The following GRIK3 variants were observed in gnomAD, a reference collection of about 807,000 sequenced individuals.
The protein encoded by GRIK3 is glutamate receptor ionotropic, kainate 3.
Under a neutral mutation model 102.5 loss-of-function variants are expected in GRIK3, and 29 were observed. The observed-to-expected ratio is 0.28, with a 90% CI of 0.21 to 0.39. The LOEUF is 0.39. Among genes scored for constraint, GRIK3 ranks in the 10% least tolerant of loss-of-function variants. The pLI is 1.00. For missense variants in GRIK3, 908 were observed against 1,252.4 expected (o/e 0.73, Z 4.15); for synonymous variants, 511 against 504.9 (o/e 1.01, Z -0.16).
At position 37,033,324 on chromosome 1, in the gene GRIK3, C is replaced by T. The variant is rs550040759; in HGVS notation, c.115+670G>A. 3.6e-3 allele frequency among the ~76,000 whole-genome samples: 552 copies of T among 152,310 alleles called. 1 individual carries two copies. Among genetic ancestry groups the T allele is most frequent in the African/African-American group, 0.012 (488 of 41,584 alleles). On this transcript the variant is annotated intron_variant, in intron 1 of 15. Coordinates refer to ENST00000373091, the MANE Select transcript of GRIK3 (RefSeq NM_000831.4). ...CGCCTGCCCGGGCCGCACTGGGCGG[C>T]CTCCATCGTCCCTTCCCTCTACCTG...
At chr1:36,855,042 G>A (rs1428620039) in intron 7 of GRIK3, among the ~76,000 whole-genome samples, 2 of 152,302 alleles carry the variant, frequency 1.3e-5, no homozygotes, top group East Asian at 1.9e-4. Flanking sequence ...CTGTGTCAGG[G>A]GCAAGAACAA....
At position 36,817,109 on chromosome 1, in the gene GRIK3, T is replaced by G; in HGVS notation, c.2042A>C (p.Lys681Thr). The change falls in exon 13 of 16, where the codon AAA becomes ACA. Residue 681 changes from lysine (K) to threonine (T), a missense_variant. Transcript: ENST00000373091. ...ATCCTTGACAGCCCCATACTCGATT[T>G]TGGTTTGCTTGGCCAGGTCATCAGC... ...DSADDLAKQTKIEYGAVKDGA... is the reference protein window; with the variant it reads ...DSADDLAKQTTIEYGAVKDGA... 6.2e-7 allele frequency: 1 copy of G among 1,614,126 alleles called. No homozygotes were observed. The highest frequency in any genetic ancestry group is 1.7e-5 in the Admixed American group (1 of 60,024).
At chr1:36,852,780 G>T (rs1006814161) in intron 8 of GRIK3, among the ~76,000 whole-genome samples, 4 of 152,200 alleles carry the variant, frequency 2.6e-5, no homozygotes, top group African/African-American at 9.6e-5. Flanking sequence ...TGCAGGGTTG[G>T]GGAGGTGCCC....
At chr1:36,844,334 A>C (rs1640495435) in intron 9 of GRIK3, among the ~76,000 whole-genome samples, 1 of 152,194 alleles carries the variant, frequency 6.6e-6, no homozygotes, top group African/African-American at 2.4e-5. Flanking sequence ...CAGCTCAACA[A>C]GGTTGGAGAA....
chr1:36,990,407 C>A (rs974411103), intron 1 of GRIK3, among the ~76,000 whole-genome samples: 3 of 152,166 alleles, frequency 2.0e-5, no homozygotes, highest in Non-Finnish European at 4.4e-5. Flanking sequence ...AAGGGCAGTA[C>A]CCTTGCACCA....
chr1:36,832,723 A>G (rs1640320745), intron 10 of GRIK3, among the ~76,000 whole-genome samples: 1 of 152,150 alleles, frequency 6.6e-6, no homozygotes, highest in Non-Finnish European at 1.5e-5. Context: ...GTCCTTTGGG[A>G]AGGATGGGCA....
chr1:36,945,914 C>T (rs1186494780), intron 1 of GRIK3, among the ~76,000 whole-genome samples: 2 of 152,166 alleles, frequency 1.3e-5, no homozygotes, highest in Non-Finnish European at 2.9e-5. Context: ...CTGTTGTGCT[C>T]CAAGGGGGAC....
intron 1 of GRIK3, among the ~76,000 whole-genome samples, chr1:36,895,116 G>A (rs1206961858): frequency 6.6e-6 from 1 of 152,118 alleles, no homozygotes; most frequent in Non-Finnish European, 1.5e-5. Flanking sequence ...AGACTGAGAT[G>A]TAATCATAGC....
intron 1 of GRIK3, among the ~76,000 whole-genome samples, chr1:36,909,286 A>G (rs514302): frequency 0.86 from 130,247 of 151,032 alleles, 56,688 homozygotes; most frequent in Admixed American, 0.93. Context: ...AGATACTACA[A>G]ATCAGGGCTT....
intron 2 of GRIK3, 37 bp downstream of exon 2, chr1:36,890,883 G>C: frequency 6.6e-7 from 1 of 1,519,902 alleles, no homozygotes; most frequent in Non-Finnish European, 9.0e-7. Flanking sequence ...CCCTCCCCAG[G>C]CTGGGAAGAG....
At position 36,819,292 on chromosome 1, in the gene GRIK3, C is replaced by A. The variant is rs764358794; in HGVS notation, c.1873+444G>T. Among the ~76,000 whole-genome samples the A allele has an allele frequency of 1.3e-5, 2 of 152,208 alleles. No homozygotes were observed. The highest frequency in any genetic ancestry group is 2.4e-5 in the African/African-American group (1 of 41,444). On this transcript the variant is annotated intron_variant, in intron 12 of 15. Transcript: ENST00000373091. This position sits in a 1 kb window ranked among gnomAD's most constrained non-coding sequence, Gnocchi z 4.1. Reference sequence around the variant, plus strand: ...CTGCCTTCCACTCCCAGGGCCACCACGAGGTTCAGGTCTCATCACCTCATT... The same window carrying A: ...CTGCCTTCCACTCCCAGGGCCACCAAGAGGTTCAGGTCTCATCACCTCATT...
rs775937018 is a variant in GRIK3 at position 36,850,313 on chromosome 1, G to A, written c.1324C>T (p.Leu442=). 3.1e-6 allele frequency: 5 copies of A among 1,593,426 alleles called. No homozygotes were observed. The South Asian group carries it at 4.4e-5, about 14-fold the overall frequency. Reference sequence around the variant, plus strand: ...CTGCAGGGGCTGCAGGCTCTTACCAGCACTGTGGTGACAATGAGTGATCTG... The same window carrying A: ...CTGCAGGGGCTGCAGGCTCTTACCAACACTGTGGTGACAATGAGTGATCTG... The part of the protein sequence containing the change: ...TNRSLIVTTV[L]EEPFVMFRKS... Residue 442 remains leucine, a splice_region_variant and synonymous_variant, in exon 9 of 16, where the codon CTG becomes TTG. Transcript: ENST00000373091. The surrounding 1 kb of genome is among the most constrained non-coding windows in gnomAD (Gnocchi z 4.0).
At chr1:36,984,409 T>A (rs746969613) in intron 1 of GRIK3, among the ~76,000 whole-genome samples, 1 of 152,220 alleles carries the variant, frequency 6.6e-6, no homozygotes, top group Non-Finnish European at 1.5e-5. Flanking sequence ...ACAGGGCTAG[T>A]GTAAAGACGA....
intron 1 of GRIK3, among the ~76,000 whole-genome samples, chr1:36,946,233 G>T (rs907243124): frequency 6.6e-6 from 1 of 152,246 alleles, no homozygotes; most frequent in Admixed American, 6.5e-5. Flanking sequence ...GCTGGAGGCA[G>T]GACTGCACCA....
Position 36,800,041 on chromosome 1 carries a change from A to G in GRIK3, c.*1810T>C, listed in dbSNP as rs1312868291. The stretch of plus-strand genomic sequence containing the variant: ...TACATAGCCAGTCAGAGCTGCTAGG[A>G]TTCTGGGAACCTGCTGGTTTGGTCC... On this transcript the variant is annotated 3_prime_UTR_variant, in exon 16 of 16. Transcript: ENST00000373091. The G allele has an allele frequency of 1.3e-5, 2 of 152,126 alleles. No homozygotes were observed. The highest frequency in any genetic ancestry group is 2.9e-5 in the Non-Finnish European group (2 of 68,030). 9.4% of individuals were successfully genotyped at this position (152,126 alleles called of 1,614,324 possible).
At chr1:37,027,614 G>A (rs967266631) in intron 1 of GRIK3, among the ~76,000 whole-genome samples, 1 of 152,208 alleles carries the variant, frequency 6.6e-6, no homozygotes, top group South Asian at 2.1e-4. Context: ...AGTGTGGACA[G>A]CATGTAAGCT....
chr1:37,023,639 G>T (rs1210683203), intron 1 of GRIK3, among the ~76,000 whole-genome samples: 1 of 152,180 alleles, frequency 6.6e-6, no homozygotes, highest in Non-Finnish European at 1.5e-5. Context: ...TGTGTTTATG[G>T]CAGACCTGGC....
chr1:36,926,147 C>A (rs979494497), intron 1 of GRIK3, among the ~76,000 whole-genome samples: 1 of 152,164 alleles, frequency 6.6e-6, no homozygotes, highest in Non-Finnish European at 1.5e-5. Flanking sequence ...TTCTTAGGGC[C>A]CTGCTTCTAC....
At chr1:36,807,257 G>A (rs1242649469) in intron 13 of GRIK3, among the ~76,000 whole-genome samples, 1 of 152,124 alleles carries the variant, frequency 6.6e-6, no homozygotes, top group Non-Finnish European at 1.5e-5. Flanking sequence ...AGAGAGGAGG[G>A]CAAGGGCTGA....
Sources: allele counts gnomAD v4.1 joint callset (sites outside exome capture counted in the v4.1 genomes callset), GRCh38; gene constraint gnomAD v4.1.1; non-coding constraint Gnocchi (gnomAD v3.1); transcripts MANE v1.5; gene names NCBI Gene and HGNC (gene_info 2026-07-23, HGNC 2026-07-21).